CLK1: variants seen among roughly 807,000 people sequenced by gnomAD.
CLK1 encodes the protein dual specificity protein kinase CLK1.
CLK1 carries 40 observed loss-of-function variants against 60.9 expected under a neutral mutation model. The observed-to-expected ratio is 0.66, with a 90% CI of 0.51 to 0.86. CLK1 has a LOEUF of 0.86. CLK1 is among the 40% of genes least tolerant of loss of function. CLK1 has a pLI of 0.00. For synonymous variants in CLK1, 203 were observed against 184.4 expected (o/e 1.10, Z -0.82); for missense variants, 563 against 606.1 (o/e 0.93, Z 0.75).
chr2:200,856,675 TACTCACCTAAAA>T lies in CLK1; in HGVS notation c.1052_1057+6del. The T allele has an allele frequency of 6.4e-7, 1 of 1,565,884 alleles. No individual in the cohort carries two copies. The highest frequency in any genetic ancestry group is 8.6e-7 in the Non-Finnish European group (1 of 1,159,234). On this transcript the variant is annotated splice_donor_variant and splice_donor_5th_base_variant and coding_sequence_variant and intron_variant, in exon 9 of 13. Transcript: ENST00000321356. LOFTEE classifies it high-confidence loss of function. ...ACAAAGGTTCTCAAAGGACAATTAATACTCACCTAAAATAACTTCAGGTGCTCTATAATGTCT... is the reference window on the plus strand; with the variant it reads ...ACAAAGGTTCTCAAAGGACAATTAATTAACTTCAGGTGCTCTATAATGTCT...
chr2:200,855,125 A>C, intron 9 of CLK1, 39 bp from the exon 10 acceptor site: 1 of 1,445,322 alleles, frequency 6.9e-7, no homozygotes, highest in Non-Finnish European at 9.5e-7. Context: ...AAAAATACTC[A>C]ATGTTTGTTA....
chr2:200,860,565 T>C (rs1281287078), intron 3 of CLK1: 6 of 1,022,864 alleles, frequency 5.9e-6, no homozygotes, highest in South Asian at 4.4e-5. Flanking sequence ...TCTAATTTAA[T>C]GTTGCAAAAT....
chr2:200,861,026 T>C (rs943045512), intron 3 of CLK1: 38 of 1,358,104 alleles, frequency 2.8e-5, no homozygotes, highest in Admixed American at 3.4e-5. Flanking sequence ...GGAATGTCAA[T>C]TAGGAGCCAA....
chr2:200,855,631 A>C lies in CLK1; in HGVS notation c.1058-545T>G, dbSNP rs202013605. On this transcript the variant is annotated intron_variant, in intron 9 of 12. Transcript: ENST00000321356. The stretch of plus-strand genomic sequence containing the variant: ...CAGAGCAAGACTCCGCCCCCCCCCC[A>C]AAAAATTATATATATACACATATAT... 0.025 allele frequency among the ~76,000 whole-genome samples: 3,243 copies of C among 129,322 alleles called. 211 individuals carry two copies. The East Asian group carries it at 0.27, about 11-fold the overall frequency. 84.8% of individuals were successfully genotyped at this position (129,322 alleles called of 152,430 possible).
In CLK1 at chr2:200,858,089, C is replaced by T. The variant is rs553696042; in HGVS notation, c.549G>A (p.Ala183=). The T allele has an allele frequency of 1.3e-6, 2 of 1,593,682 alleles. No homozygotes were observed. Among genetic ancestry groups the T allele is most frequent in the African/African-American group, 2.7e-5 (2 of 74,652 alleles). ...GKVVECIDHK[A]GGRHVAVKIV... ...TTTTTACTGCTACATGTCTACCTCC[C>T]CTGTTAGAAAGATGCATGCAAATTT... Residue 183 remains alanine (A), a splice_region_variant and synonymous_variant, in exon 6 of 13, where the codon GCG becomes GCA. Coordinates refer to ENST00000321356, the MANE Select transcript of CLK1 (RefSeq NM_004071.4).
At position 200,864,412 on chromosome 2, in the gene CLK1, C is replaced by T. The variant is rs1201272283; in HGVS notation, c.-1+152G>A. The T allele has an allele frequency of 1.6e-5, 12 of 730,056 alleles. No individual in the cohort carries two copies. The Admixed American group carries it at 1.7e-4, about 10-fold the overall frequency. The allele number at this position is 730,056 out of a possible 1,614,324, so 45.2% of individuals were successfully genotyped here. A position where few individuals can be genotyped will look rare whatever the true frequency, so the allele number is the denominator to read the frequency against. ...GGCCGCGCAGGAAAGAGGGGCGCGC[C>T]GCCACTGTGCAGCCTGGGAGTGAAG... On this transcript the variant is annotated intron_variant, in intron 1 of 12. Transcript: ENST00000321356.
chr2:200,856,549 A>T, intron 9 of CLK1, 133 bp downstream of exon 9: 1 of 663,950 alleles, frequency 1.5e-6, no homozygotes, highest in Non-Finnish European at 2.5e-6. Flanking sequence ...CTTAAAATCC[A>T]TAATGCACTT....
intron 12 of CLK1, 85 bp downstream of exon 12, chr2:200,853,818 C>T: frequency 9.3e-7 from 1 of 1,069,970 alleles, no homozygotes; most frequent in Non-Finnish European, 1.4e-6. Flanking sequence ...CTACTCCAGC[C>T]TGGACAACGA....
chr2:200,857,496 A>C (rs966396670), intron 7 of CLK1: 14 of 408,226 alleles, frequency 3.4e-5, no homozygotes, highest in African/African-American at 2.4e-4. Context: ...GAAAAGTCTA[A>C]ATCATAGTCT....
rs762207952 is a variant in CLK1, at chr2:200,855,088, T to TGCAAA, written c.1058-7_1058-3dup. The TGCAAA allele has an allele frequency of 5.7e-6, 9 of 1,587,284 alleles. No homozygotes were observed. The African/African-American group carries it at 6.8e-5, about 12-fold the overall frequency. ...CACATGGTTGGGACCACCCTAGGGC[T>TGCAAA]GCAAAGCAAAGCAAAATTTAAGGAA... On this transcript the variant is annotated splice_region_variant and splice_polypyrimidine_tract_variant and intron_variant, in intron 9 of 12. Coordinates refer to ENST00000321356, the MANE Select transcript of CLK1 (RefSeq NM_004071.4).
intron 5 of CLK1, among the ~76,000 whole-genome samples, chr2:200,859,348 G>A (rs2105739342): frequency 6.6e-6 from 1 of 152,282 alleles, no homozygotes; most frequent in South Asian, 2.1e-4. Context: ...ACCTCTCGAG[G>A]AGGATCTTAA....
chr2:200,862,567 C>A (rs922663112), intron 1 of CLK1, among the ~76,000 whole-genome samples: 6 of 152,204 alleles, frequency 3.9e-5, no homozygotes, highest in African/African-American at 1.4e-4. Flanking sequence ...TCCCACCACC[C>A]TTTGCCGACT....
rs1265706150 is a variant in CLK1 at position 200,861,799 on chromosome 2, A to G, written c.64T>C (p.Trp22Arg). 1.9e-6 allele frequency: 3 copies of G among 1,613,878 alleles called. No homozygotes were observed. Among genetic ancestry groups the G allele is most frequent in the East Asian group, 4.5e-5 (2 of 44,858 alleles). The change falls in exon 2 of 13, where the codon TGG (tryptophan) becomes CGG (arginine). Residue 22 changes from tryptophan (W) to arginine (R), a missense_variant. Coordinates refer to ENST00000321356, the MANE Select transcript of CLK1 (RefSeq NM_004071.4). Reference protein sequence around the residue: ...WDDKDWDYGKWRSSSSHKRRK... With the variant: ...WDDKDWDYGKRRSSSSHKRRK... ...CTTTTATGACTGCTGCTGCTCCTCC[A>G]TTTTCCATAATCCCAATCCTTGTCA...
In CLK1 at chr2:200,853,031, A is replaced by G. The variant is rs377078847; in HGVS notation, c.*275T>C. ...AAATCTATGTCCATTCTTTAATAGA[A>G]GTAGGAAGAAAAATGGTACTTAGAA... is the stretch of plus-strand genomic sequence containing the variant. On this transcript the variant is annotated 3_prime_UTR_variant, in exon 13 of 13. Coordinates refer to ENST00000321356, the MANE Select transcript of CLK1 (RefSeq NM_004071.4). 9.1e-5 allele frequency: 22 copies of G among 242,420 alleles called. No individual in the cohort carries two copies. The highest frequency in any genetic ancestry group is 4.7e-4 in the African/African-American group (21 of 45,094). 15.0% of individuals were successfully genotyped at this position (242,420 alleles called of 1,614,324 possible).
chr2:200,861,503 A>G, intron 2 of CLK1, 37 bp from the exon 3 acceptor site: 1 of 1,604,020 alleles, frequency 6.2e-7, no homozygotes, highest in East Asian at 2.2e-5. Context: ...GTTTTATGCT[A>G]AGACCAAATA....
rs779897793 is a variant in CLK1 at position 200,854,601 on chromosome 2, A to C, written c.1220+15T>G. 6.6e-7 allele frequency: 1 copy of C among 1,510,642 alleles called. No homozygotes were observed. The highest frequency in any genetic ancestry group is 9.2e-7 in the Non-Finnish European group (1 of 1,087,292). The allele number at this position is 1,510,642 out of a possible 1,614,324, so 93.6% of individuals were successfully genotyped here. Reference sequence around the variant, plus strand: ...TCAAATGATACTAAGGATGTCACTAACTCTTAAAACGTACCTGGTTTTCTG... The same window carrying C: ...TCAAATGATACTAAGGATGTCACTACCTCTTAAAACGTACCTGGTTTTCTG... On this transcript the variant is annotated intron_variant, in intron 11 of 12. Transcript: ENST00000321356.
In CLK1 at chr2:200,853,247, T is replaced by C; in HGVS notation, c.*59A>G. 7.7e-7 allele frequency: 1 copy of C among 1,306,776 alleles called. No individual in the cohort carries two copies. Among genetic ancestry groups the C allele is most frequent in the Non-Finnish European group, 1.0e-6 (1 of 962,362 alleles). 80.9% of individuals were successfully genotyped at this position (1,306,776 alleles called of 1,614,324 possible). A position where few individuals can be genotyped will look rare whatever the true frequency, so the allele number is the denominator to read the frequency against. ...AAGCTGTACAAAATAACTTAAAATT[T>C]AAAAATTAGACTGATACAGTCTGTA... is the stretch of plus-strand genomic sequence containing the variant. On this transcript the variant is annotated 3_prime_UTR_variant, in exon 13 of 13. Coordinates refer to ENST00000321356, the MANE Select transcript of CLK1 (RefSeq NM_004071.4).
chr2:200,854,027 AC>A (rs745975870), intron 11 of CLK1, 34 bp from the exon 12 acceptor site: 10 of 1,456,272 alleles, frequency 6.9e-6, no homozygotes, highest in Non-Finnish European at 7.6e-6. Flanking sequence ...CATGTTTATA[AC>A]ACTGAAAACT....
chr2:200,853,808 C>G (rs944661131), intron 12 of CLK1, 95 bp downstream of exon 12: 14 of 904,904 alleles, frequency 1.5e-5, no homozygotes, highest in Non-Finnish European at 2.0e-5. Context: ...TCGTGCCACT[C>G]TACTCCAGCC....
Sources: allele counts gnomAD v4.1 joint callset (sites outside exome capture counted in the v4.1 genomes callset), GRCh38; gene constraint gnomAD v4.1.1; transcripts MANE v1.5; gene names NCBI Gene and HGNC (gene_info 2026-07-23, HGNC 2026-07-21).